Variants in EVC2 observed in about 807,000 individuals in gnomAD.
EVC2 encodes the protein EvC ciliary complex subunit 2, also known as limbin.
EVC2 carries 148 observed loss-of-function variants against 149.3 expected under a neutral mutation model. The ratio of observed to expected loss-of-function variants is 0.99; its 90% CI spans 0.87 to 1.14. The LOEUF (loss-of-function observed/expected upper bound fraction) is 1.14, where lower values mean the gene tolerates loss of function less well. Among genes scored for constraint, EVC2 ranks in the 50% most tolerant of loss-of-function variants. The pLI is 0.00. For synonymous variants in EVC2, 776 were observed against 649.9 expected, an observed-to-expected ratio of 1.19 and a Z score of -2.95; for missense variants, 1,854 against 1,627.3, an observed-to-expected ratio of 1.14 and a Z score of -2.40.
At position 5,685,335 on chromosome 4, in the gene EVC2, T is replaced by C. The variant is rs372081852; in HGVS notation, c.816+35A>G. 53 of 1,595,570 alleles carry C rather than the reference T, an allele frequency of 3.3e-5. No homozygotes were observed. The African/African-American group carries it at 6.6e-4, about 20-fold the overall frequency. On this transcript the variant is annotated intron_variant, in intron 6 of 21. Coordinates refer to ENST00000344408, the MANE Select transcript of EVC2 (RefSeq NM_147127.5). Reference sequence around the variant, plus strand: ...TTTCTAAAACAACCTCTCTTGGCAGTGGCAAGACAGAGATTAAAGTAACAA... The same window carrying C: ...TTTCTAAAACAACCTCTCTTGGCAGCGGCAAGACAGAGATTAAAGTAACAA...
In EVC2 at chr4:5,590,738, C is replaced by A. The variant is rs74503558; in HGVS notation, c.2830-5888G>T. On this transcript the variant is annotated intron_variant, in intron 16 of 21. Coordinates refer to ENST00000344408, the MANE Select transcript of EVC2 (RefSeq NM_147127.5). ...ACACCACCCTTAGATCATGCTAGCA[C>A]CACCATTTTTTTGTACATGAGACCT... Among the ~76,000 whole-genome samples, 877 of 152,218 alleles carry A rather than the reference C, an allele frequency of 5.8e-3. 5 individuals carry two copies. Among genetic ancestry groups the A allele is most frequent in the African/African-American group, 0.02 (812 of 41,512 alleles).
the EVC2 span, among the ~76,000 whole-genome samples, chr4:5,530,460 CA>C: frequency 6.3e-4 from 96 of 151,926 alleles, no homozygotes; most frequent in Non-Finnish European, 3.8e-4. Context: ...TGTTGTGATA[CA>C]CATGGTGAAA....
rs930290297 is a variant in EVC2 at position 5,632,791 on chromosome 4, C to A, written c.1471-759G>T. On this transcript the variant is annotated intron_variant, in intron 10 of 21. Coordinates refer to ENST00000344408, the MANE Select transcript of EVC2 (RefSeq NM_147127.5). The stretch of plus-strand genomic sequence containing the variant: ...TGATCCATTTGCATACGGCCTCCCC[C>A]CAATTATCTCAGTAAGGAGCTGAGA... Among the ~76,000 whole-genome samples, 3 of 152,106 alleles carry A rather than the reference C, an allele frequency of 2.0e-5. No individual in the cohort carries two copies. The South Asian group carries it at 6.2e-4, about 31-fold the overall frequency.
At chr4:5,628,098 T>TTA (rs1175245325) in intron 12 of EVC2, among the ~76,000 whole-genome samples, 1 of 150,756 alleles carries the variant, frequency 6.6e-6, no homozygotes, top group African/African-American at 2.5e-5. Flanking sequence ...TCAGAAATAA[T>TTA]AAGTGAGGAG....
At position 5,576,006 on chromosome 4, in the gene EVC2, G is replaced by C. The variant is rs186082695; in HGVS notation, c.3272+234C>G. Among the ~76,000 whole-genome samples, 53 of 152,202 alleles carry C rather than the reference G, an allele frequency of 3.5e-4. No individual in the cohort carries two copies. Among genetic ancestry groups the C allele is most frequent in the African/African-American group, 1.2e-3 (50 of 41,532 alleles). ...GTGAGTCTATATTTCAAAATAAAAA[G>C]TTTAAAAATATTACGTTTGGTAAAA... is the stretch of plus-strand genomic sequence containing the variant. On this transcript the variant is annotated intron_variant, in intron 18 of 21. Transcript: ENST00000344408. The surrounding 1 kb of genome is among the most constrained non-coding windows in gnomAD (Gnocchi z 4.5).
intron 6 of EVC2, among the ~76,000 whole-genome samples, chr4:5,684,182 G>T (rs1354302122): frequency 6.6e-6 from 1 of 151,934 alleles, no homozygotes; most frequent in East Asian, 1.9e-4. Flanking sequence ...CTCTATTTTT[G>T]TACCCTTATA....
chr4:5,653,104 G>A lies in EVC2; in HGVS notation c.1145+10003C>T, dbSNP rs561693098. Among the ~76,000 whole-genome samples the A allele has an allele frequency of 3.9e-5, 6 of 152,238 alleles. No homozygotes were observed. In the South Asian group the frequency reaches 1.0e-3, roughly 26 times the overall value. On this transcript the variant is annotated intron_variant, in intron 9 of 21. Coordinates refer to ENST00000344408, the MANE Select transcript of EVC2 (RefSeq NM_147127.5). Reference sequence around the variant, plus strand: ...TTTCAGTGTGTGCCTCTCTTCACATGGGGTCCCTCCTGTGTCTACGTCCAG... The same window carrying A: ...TTTCAGTGTGTGCCTCTCTTCACATAGGGTCCCTCCTGTGTCTACGTCCAG...
intron 17 of EVC2, among the ~76,000 whole-genome samples, chr4:5,578,755 T>C (rs1711512909): frequency 6.6e-6 from 1 of 151,838 alleles, no homozygotes; most frequent in Non-Finnish European, 1.5e-5. Flanking sequence ...GAATGAGACA[T>C]GAAAACTCAC....
At position 5,631,860 on chromosome 4, in the gene EVC2, G is replaced by A. The variant is rs758744646; in HGVS notation, c.1643C>T (p.Ala548Val). The change falls in exon 11 of 22, where the codon GCT becomes GTT. Residue 548 changes from alanine to valine, a missense_variant. Ala to Val is a moderately conservative substitution (Grantham distance 64). Transcript: ENST00000344408. ...TGGTTTCAATTCCCCTTTGAAAATA[G>A]CACTTTTTATCTGGGTAAAAAAGAT... ...HSIFFTQIKSAIFKGELKPEA... is the reference protein window; with the variant it reads ...HSIFFTQIKSVIFKGELKPEA... 2 of 1,614,172 alleles carry A rather than the reference G, an allele frequency of 1.2e-6. No homozygotes were observed. Among genetic ancestry groups the A allele is most frequent in the East Asian group, 4.5e-5 (2 of 44,882 alleles).
the EVC2 span, among the ~76,000 whole-genome samples, chr4:5,534,467 T>C: frequency 1.3e-5 from 2 of 152,208 alleles, no homozygotes; most frequent in South Asian, 2.1e-4. Flanking sequence ...AGTTAAAGCA[T>C]TGCCCAACAA....
At chr4:5,543,660 A>G (rs1721559724) in intron 21 of EVC2, among the ~76,000 whole-genome samples, 1 of 152,208 alleles carries the variant, frequency 6.6e-6, no homozygotes, top group Non-Finnish European at 1.5e-5. Flanking sequence ...GTTCCACACC[A>G]AATCCCTCCA....
chr4:5,608,364 T>C (rs1194660422), intron 16 of EVC2, among the ~76,000 whole-genome samples: 1 of 152,152 alleles, frequency 6.6e-6, no homozygotes, highest in Non-Finnish European at 1.5e-5. Flanking sequence ...TGCAGCTCCA[T>C]CTTTCCAGCT....
intron 21 of EVC2, among the ~76,000 whole-genome samples, chr4:5,554,062 G>A (rs942785130): frequency 3.3e-5 from 5 of 152,096 alleles, no homozygotes; most frequent in Admixed American, 6.6e-5. Flanking sequence ...TGAGAGAAAC[G>A]GAAGACAGAA....
At chr4:5,543,044 A>T (rs541540002) in intron 22 of EVC2, 2 of 875,918 alleles carry the variant, frequency 2.3e-6, no homozygotes, top group African/African-American at 3.5e-5. Context: ...TTTCTGACTT[A>T]CTATTACGCA....
At chr4:5,595,260 T>C (rs1713276017) in intron 16 of EVC2, among the ~76,000 whole-genome samples, 1 of 151,818 alleles carries the variant, frequency 6.6e-6, no homozygotes, top group Admixed American at 6.6e-5. Flanking sequence ...CCAAGACACA[T>C]AATTGTCAGA....
intron 7 of EVC2, among the ~76,000 whole-genome samples, chr4:5,668,314 G>C (rs187255069): frequency 1.3e-5 from 2 of 152,176 alleles, no homozygotes; most frequent in Non-Finnish European, 2.9e-5. Context: ...AATGCTTATT[G>C]AAACCTGAAT....
chr4:5,683,105 A>T (rs1253989985), intron 6 of EVC2, among the ~76,000 whole-genome samples: 2 of 152,218 alleles, frequency 1.3e-5, no homozygotes, highest in African/African-American at 4.8e-5. Flanking sequence ...CTTCAGCGAA[A>T]ATCAAAATAC....
chr4:5,706,445 G>GATAGATAC (rs1722194190), intron 1 of EVC2, among the ~76,000 whole-genome samples: 436 of 25,720 alleles, frequency 0.017, 7 homozygotes, highest in East Asian at 0.044. Flanking sequence ...TAGATAGATA[G>GATAGATAC]ATACATACAT....
intron 7 of EVC2, among the ~76,000 whole-genome samples, chr4:5,672,533 C>T (rs1444688392): frequency 8.5e-5 from 13 of 152,144 alleles, no homozygotes; most frequent in African/African-American, 1.9e-4. Context: ...CAGCAAGGAC[C>T]GTGGACTTTG....
Sources: allele counts gnomAD v4.1 joint callset (sites outside exome capture counted in the v4.1 genomes callset), GRCh38; gene constraint gnomAD v4.1.1; non-coding constraint Gnocchi (gnomAD v3.1); transcripts MANE v1.5; gene names NCBI Gene and HGNC (gene_info 2026-07-23, HGNC 2026-07-21).